Variants in PSMC2 observed in about 807,000 individuals in gnomAD.
PSMC2 encodes proteasome 26S subunit, ATPase 2.
PSMC2 carries 7 observed loss-of-function variants against 53.3 expected under a neutral mutation model. The observed-to-expected ratio is 0.13, with a 90% CI of 0.07 to 0.25. PSMC2 has a LOEUF of 0.25. PSMC2 is among the 10% of genes least tolerant of loss of function. The pLI is 1.00. For synonymous variants in PSMC2, 169 were observed against 183.9 expected (o/e 0.92, Z 0.66); for missense variants, 241 against 544.0 (o/e 0.44, Z 5.54).
At chr7:103,361,073 C>T (rs1820362065) in intron 4 of PSMC2, among the ~76,000 whole-genome samples, 1 of 151,342 alleles carries the variant, frequency 6.6e-6, no homozygotes, top group African/African-American at 2.4e-5. Flanking sequence ...GAGATCGCAC[C>T]ACTGCACTCC....
chr7:103,347,562 C>G (rs1026476527), upstream of PSMC2: 29 of 811,036 alleles, frequency 3.6e-5, no homozygotes, highest in Non-Finnish European at 5.5e-5. Flanking sequence ...AGCGTTTCCC[C>G]AGGGCTCTGT....
intron 1 of PSMC2, chr7:103,352,838 C>T (rs1323743695): frequency 3.8e-6 from 3 of 780,574 alleles, no homozygotes; most frequent in Non-Finnish European, 7.2e-6. Context: ...GCATTCAAAC[C>T]CTGTCCACCT....
chr7:103,362,290 C>A, intron 5 of PSMC2: 1 of 1,398,384 alleles, frequency 7.2e-7, no homozygotes, highest in South Asian at 1.6e-5. Context: ...CCTACTCCCA[C>A]TGTTGTTTAT....
At chr7:103,348,196 A>G (rs1368429221) in intron 1 of PSMC2, among the ~76,000 whole-genome samples, 1 of 152,190 alleles carries the variant, frequency 6.6e-6, no homozygotes, top group Admixed American at 6.5e-5. Flanking sequence ...TTGACCAGAT[A>G]ATACATTCAC....
rs180798798 is a variant in PSMC2, at chr7:103,360,982, C to T, written c.291-975C>T. Among the ~76,000 whole-genome samples the T allele has an allele frequency of 2.5e-3, 378 of 152,092 alleles. 1 individual carries two copies. The highest frequency in any genetic ancestry group is 7.9e-3 in the African/African-American group (327 of 41,488). ...CAAAACAATTAGCCGGGCGTGCTGG[C>T]GCATTCCTGTAATGCCAGCTACTTG... is the stretch of plus-strand genomic sequence containing the variant. On this transcript the variant is annotated intron_variant, in intron 4 of 11. Transcript: ENST00000292644.
chr7:103,364,434 A>T (rs192934546), intron 8 of PSMC2, 127 bp downstream of exon 8: 57 of 1,043,210 alleles, frequency 5.5e-5, no homozygotes, highest in Admixed American at 1.6e-4. Context: ...GTTGAGACAG[A>T]GTCTCATTGT....
intron 9 of PSMC2, among the ~76,000 whole-genome samples, chr7:103,366,670 G>GAGA (rs1820734791): frequency 6.6e-6 from 1 of 152,140 alleles, no homozygotes; most frequent in Non-Finnish European, 1.5e-5. Context: ...CTCGTAAATT[G>GAGA]AGAAGTATCA....
chr7:103,361,782 C>G (rs543211708), intron 4 of PSMC2, among the ~76,000 whole-genome samples, 175 bp from the exon 5 acceptor site: 22 of 152,256 alleles, frequency 1.4e-4, no homozygotes, highest in African/African-American at 4.6e-4. Context: ...TATGACTTGG[C>G]TAAAGTCGAA....
At chr7:103,362,792 G>A (rs764001549) in intron 6 of PSMC2, 34 bp downstream of exon 6, 3 of 867,924 alleles carry the variant, frequency 3.5e-6, no homozygotes, top group Admixed American at 2.2e-5. Context: ...GGAAGGCTAT[G>A]TCTTTTTTTT....
At chr7:103,365,907 G>A (rs954271054) in intron 8 of PSMC2, among the ~76,000 whole-genome samples, 169 bp from the exon 9 acceptor site, 7 of 152,198 alleles carry the variant, frequency 4.6e-5, no homozygotes, top group Non-Finnish European at 8.8e-5. Flanking sequence ...CAGCCTGGGC[G>A]ACAGAGGAAG....
At chr7:103,350,119 A>G (rs573887062) in intron 1 of PSMC2, among the ~76,000 whole-genome samples, 1 of 152,264 alleles carries the variant, frequency 6.6e-6, no homozygotes, top group Admixed American at 6.5e-5. Context: ...TTGTTGTCCT[A>G]TGGAATTTTT....
In PSMC2 at chr7:103,367,348, C is replaced by G. The variant is rs1820769016; in HGVS notation, c.845-65C>G. On this transcript the variant is annotated intron_variant, in intron 9 of 11. Transcript: ENST00000292644. This position sits in a 1 kb window ranked among gnomAD's most constrained non-coding sequence, Gnocchi z 6.1. ...TTTGAGCTGAGATTTTTGGTACTTT[C>G]AGGTCATGCATAGTGCTACTCTTGA... The G allele has an allele frequency of 6.6e-7, 1 of 1,509,102 alleles. No homozygotes were observed. Among genetic ancestry groups the G allele is most frequent in the Non-Finnish European group, 9.2e-7 (1 of 1,091,016 alleles). The allele number at this position is 1,509,102 out of a possible 1,614,324, so 93.5% of individuals were successfully genotyped here. A position where few individuals can be genotyped will look rare whatever the true frequency, so the allele number is the denominator to read the frequency against.
chr7:103,354,178 A>G (rs1326915378), intron 2 of PSMC2, among the ~76,000 whole-genome samples: 1 of 152,206 alleles, frequency 6.6e-6, no homozygotes, highest in Non-Finnish European at 1.5e-5. Flanking sequence ...AGAATAGATC[A>G]AAGTATTTGG....
intron 1 of PSMC2, among the ~76,000 whole-genome samples, chr7:103,349,998 C>T (rs563896898): frequency 1.3e-5 from 2 of 152,158 alleles, no homozygotes; most frequent in South Asian, 4.1e-4. Flanking sequence ...TTTAATCCTG[C>T]CTTAGAGGAA....
In PSMC2 at chr7:103,347,670, CT is replaced by C. The variant is rs1819632577; in HGVS notation, c.-41del. ...GACACCACCGGAAGCAAGGAAGGTG[CT>C]GTGTAATCATTAAGGAGCGGAGGCT... On this transcript the variant is annotated 5_prime_UTR_variant, in exon 1 of 12. Coordinates refer to ENST00000292644, the MANE Select transcript of PSMC2 (RefSeq NM_002803.4). 6.2e-7 allele frequency: 1 copy of C among 1,608,094 alleles called. No homozygotes were observed. Among genetic ancestry groups the C allele is most frequent in the African/African-American group, 1.3e-5 (1 of 74,790 alleles).
intron 4 of PSMC2, among the ~76,000 whole-genome samples, chr7:103,358,714 C>T (rs139180542): frequency 2.1e-3 from 317 of 151,844 alleles, no homozygotes; most frequent in African/African-American, 7.4e-3. Context: ...GTAATATGTT[C>T]TTATCTCTCT....
upstream of PSMC2, chr7:103,347,588 C>T: frequency 1.8e-6 from 2 of 1,103,978 alleles, no homozygotes; most frequent in Middle Eastern, 2.0e-4. Flanking sequence ...CTCTGAAGCA[C>T]TGCATAAAGG....
chr7:103,351,144 A>G (rs1484016958), intron 1 of PSMC2, among the ~76,000 whole-genome samples: 1 of 152,184 alleles, frequency 6.6e-6, no homozygotes, highest in Non-Finnish European at 1.5e-5. Flanking sequence ...TCCGCCTTTT[A>G]GAATGCTGCA....
chr7:103,353,909 C>T lies in PSMC2; in HGVS notation c.71-12C>T. On this transcript the variant is annotated splice_polypyrimidine_tract_variant and intron_variant, in intron 1 of 11. Transcript: ENST00000292644. ...TCTTTTTGAATCTCACGTATTGTCT[C>T]TCTTCTTTCAGCTCTGGATGAGGGG... The T allele has an allele frequency of 6.2e-7, 1 of 1,601,594 alleles. No homozygotes were observed. Among genetic ancestry groups the T allele is most frequent in the Non-Finnish European group, 8.5e-7 (1 of 1,172,162 alleles).
Sources: allele counts gnomAD v4.1 joint callset (sites outside exome capture counted in the v4.1 genomes callset), GRCh38; gene constraint gnomAD v4.1.1; non-coding constraint Gnocchi (gnomAD v3.1); transcripts MANE v1.5; gene names NCBI Gene and HGNC (gene_info 2026-07-23, HGNC 2026-07-21).